The following GAP43 variants were observed in gnomAD, a reference collection of about 807,000 sequenced individuals.
GAP43 encodes neuromodulin.
A neutral mutation model predicts 18.6 loss-of-function variants in GAP43; 6 were observed. The observed-to-expected ratio is 0.32, with a 90% confidence interval of 0.18 to 0.64. The LOEUF (loss-of-function observed/expected upper bound fraction) is 0.64, where lower values mean the gene tolerates loss of function less well. Ranked by LOEUF, GAP43 falls within the 30% of genes least tolerant of loss-of-function variation. The pLI is 0.78. For synonymous variants in GAP43, 115 were observed against 111.4 expected, an observed-to-expected ratio of 1.03 and a Z score of -0.20; for missense variants, 292 against 295.5, an observed-to-expected ratio of 0.99 and a Z score of 0.09.
At chr3:115,654,058 G>T (rs1409554723) in intron 1 of GAP43, among the ~76,000 whole-genome samples, 1 of 152,136 alleles carries the variant, frequency 6.6e-6, no homozygotes, top group Non-Finnish European at 1.5e-5. Flanking sequence ...GTGATTGGAT[G>T]ATTCTGCCTT....
At chr3:115,665,803 C>G (rs1559795703) in intron 1 of GAP43, among the ~76,000 whole-genome samples, 1 of 152,144 alleles carries the variant, frequency 6.6e-6, no homozygotes. Flanking sequence ...GTACCAGATG[C>G]TCTTAAGCTA....
chr3:115,645,424 T>C (rs1382673864), intron 1 of GAP43, among the ~76,000 whole-genome samples: 1 of 152,010 alleles, frequency 6.6e-6, no homozygotes, highest in Non-Finnish European at 1.5e-5. Flanking sequence ...AAGTCAGATG[T>C]AGAGACCAAA....
rs1708319672 is a variant in GAP43, at chr3:115,635,667, G to C, written c.30+11948G>C. ...TCTGGAAAACACAATAAGCCCAAGA[G>C]AAACAGTATTCAGAAAAGAATCCAA... On this transcript the variant is annotated intron_variant, in intron 1 of 2. Transcript: ENST00000305124. Among the ~76,000 whole-genome samples the C allele has an allele frequency of 2.7e-5, 4 of 149,630 alleles. No individual in the cohort carries two copies. The South Asian group carries it at 8.4e-4, about 31-fold the overall frequency.
intron 1 of GAP43, among the ~76,000 whole-genome samples, chr3:115,656,227 A>G (rs979982797): frequency 1.1e-4 from 16 of 152,172 alleles, no homozygotes; most frequent in Non-Finnish European, 2.1e-4. Flanking sequence ...TAGAATAGTG[A>G]TTCTTGGTCA....
chr3:115,663,952 T>G (rs1243784485), intron 1 of GAP43: 1 of 1,545,618 alleles, frequency 6.5e-7, no homozygotes, highest in South Asian at 1.2e-5. Context: ...TACAAGTATT[T>G]TAGGTTAAAA....
At chr3:115,625,461 A>C (rs1006072340) in intron 1 of GAP43, among the ~76,000 whole-genome samples, 1 of 152,142 alleles carries the variant, frequency 6.6e-6, no homozygotes, top group African/African-American at 2.4e-5. Flanking sequence ...TGTCAAAGAA[A>C]AGTCCTGAGG....
chr3:115,634,209 C>A (rs1218175892), intron 1 of GAP43, among the ~76,000 whole-genome samples: 2 of 152,242 alleles, frequency 1.3e-5, no homozygotes, highest in East Asian at 3.9e-4. Context: ...TAAGCAAACT[C>A]AGAAATCGGT....
rs1404327500 is a variant in GAP43 at position 115,644,895 on chromosome 3, G to T, written c.30+21176G>T. Among the ~76,000 whole-genome samples the T allele has an allele frequency of 6.6e-6, 1 of 152,014 alleles. No individual in the cohort carries two copies. Among genetic ancestry groups the T allele is most frequent in the Non-Finnish European group, 1.5e-5 (1 of 67,962 alleles). On this transcript the variant is annotated intron_variant, in intron 1 of 2. Transcript: ENST00000305124. This position sits in a 1 kb window ranked among gnomAD's most constrained non-coding sequence, Gnocchi z 4.2. ...AGGTTTCATTTCGGATAGAAGTGAG[G>T]TCATAGCTCTGCTAATGTAAGGTAA...
intron 1 of GAP43, among the ~76,000 whole-genome samples, chr3:115,638,505 A>C (rs1359534969): frequency 7.0e-6 from 1 of 143,488 alleles, no homozygotes; most frequent in Admixed American, 7.1e-5. Flanking sequence ...TCTCTAACAC[A>C]TCACACTTTT....
At chr3:115,623,804 T>C (rs891554057) in intron 1 of GAP43, 85 bp downstream of exon 1, 5 of 1,415,832 alleles carry the variant, frequency 3.5e-6, no homozygotes, top group African/African-American at 2.8e-5. Flanking sequence ...ATTTTTTTAC[T>C]GCTTCTGCTC....
chr3:115,695,312 A>C (rs1433777870), intron 2 of GAP43, among the ~76,000 whole-genome samples: 2 of 152,228 alleles, frequency 1.3e-5, no homozygotes, highest in African/African-American at 4.8e-5. Flanking sequence ...CACTGTTAAA[A>C]TAGATCAACA....
intron 2 of GAP43, among the ~76,000 whole-genome samples, chr3:115,718,694 C>T (rs1182093321): frequency 6.6e-6 from 1 of 152,070 alleles, no homozygotes; most frequent in Non-Finnish European, 1.5e-5. Flanking sequence ...AAACCCTGGT[C>T]AAAAGTGAGT....
intron 2 of GAP43, among the ~76,000 whole-genome samples, chr3:115,684,029 T>C (rs757245219): frequency 1.1e-4 from 16 of 152,218 alleles, no homozygotes; most frequent in Non-Finnish European, 2.2e-4. Context: ...ATTATGAGAA[T>C]TAAAATATTT....
At chr3:115,715,870 G>C (rs1248264569) in intron 2 of GAP43, among the ~76,000 whole-genome samples, 1 of 152,152 alleles carries the variant, frequency 6.6e-6, no homozygotes, top group Non-Finnish European at 1.5e-5. Context: ...GTAAAACCAG[G>C]GAAAGCAACT....
At chr3:115,645,850 C>T (rs540204447) in intron 1 of GAP43, among the ~76,000 whole-genome samples, 1 of 152,024 alleles carries the variant, frequency 6.6e-6, no homozygotes, top group Non-Finnish European at 1.5e-5. Flanking sequence ...GAAGGCATTT[C>T]AAGGTCTCAC....
At chr3:115,665,866 AT>A (rs1559795718) in intron 1 of GAP43, among the ~76,000 whole-genome samples, 1 of 152,192 alleles carries the variant, frequency 6.6e-6, no homozygotes, top group Non-Finnish European at 1.5e-5. Flanking sequence ...AGGCTTGAGT[AT>A]TACCACACAC....
Position 115,676,084 on chromosome 3 carries a change from C to T in GAP43, c.102C>T (p.Ala34=), listed in dbSNP as rs145057025. Reference sequence around the variant, plus strand: ...AACCAGAAGATAAAGCTCATAAGGCCGCAACCAAAATTCAGGCTAGCTTCC... The same window carrying T: ...AACCAGAAGATAAAGCTCATAAGGCTGCAACCAAAATTCAGGCTAGCTTCC... ...GIKPEDKAHK[A]ATKIQASFRG... The change falls in exon 2 of 3, where the codon GCC becomes GCT. Residue 34 remains alanine (A), a synonymous_variant. Coordinates refer to ENST00000305124, the MANE Select transcript of GAP43 (RefSeq NM_002045.4). 104 of 1,613,906 alleles carry T rather than the reference C, an allele frequency of 6.4e-5. No homozygotes were observed. The highest frequency in any genetic ancestry group is 8.3e-5 in the Non-Finnish European group (98 of 1,180,016).
In GAP43 at chr3:115,721,374, C is replaced by G. The variant is rs1216463486; in HGVS notation, c.*492C>G. ...CAAAAAGGAAAAAATTCAAAAAACC[C>G]AGTTTGTTTTAAAAATAAATAAATA... On this transcript the variant is annotated 3_prime_UTR_variant, in exon 3 of 3. Coordinates refer to ENST00000305124, the MANE Select transcript of GAP43 (RefSeq NM_002045.4). 6.6e-6 allele frequency: 1 copy of G among 152,124 alleles called. No individual in the cohort carries two copies. The highest frequency in any genetic ancestry group is 1.9e-4 in the East Asian group (1 of 5,192). 9.4% of individuals were successfully genotyped at this position (152,124 alleles called of 1,614,324 possible).
At chr3:115,637,097 T>C (rs565820732) in intron 1 of GAP43, among the ~76,000 whole-genome samples, 1 of 152,092 alleles carries the variant, frequency 6.6e-6, no homozygotes, top group South Asian at 2.1e-4. Context: ...ATCTCATTTG[T>C]GAGGGCTTTC....
Sources: gnomAD v4.1 joint callset for allele counts (sites outside exome capture counted in the v4.1 genomes callset) on GRCh38, gnomAD v4.1.1 for gene constraint, Gnocchi (gnomAD v3.1) non-coding constraint, MANE v1.5 for transcripts, NCBI Gene and HGNC (gene_info 2026-07-23, HGNC 2026-07-21) for gene names.